STK4: variants seen among roughly 807,000 people sequenced by gnomAD.
The protein encoded by STK4 is serine/threonine kinase 4, also known as serine/threonine-protein kinase 4.
STK4 carries 30 observed loss-of-function variants against 64.9 expected under a neutral mutation model. The ratio of observed to expected loss-of-function variants is 0.46; its 90% CI spans 0.35 to 0.63. STK4 has a LOEUF of 0.63. STK4 is among the 20% of genes least tolerant of loss of function. The pLI, the probability that STK4 is intolerant of heterozygous loss-of-function variation, is 0.01. For missense variants in STK4, 466 were observed against 598.5 expected (o/e 0.78, Z 2.31); for synonymous variants, 177 against 199.0 (o/e 0.89, Z 0.93).
intron 9 of STK4, among the ~76,000 whole-genome samples, chr20:45,018,686 A>G (rs567828863): frequency 2.2e-4 from 33 of 151,932 alleles, no homozygotes; most frequent in African/African-American, 7.7e-4. Flanking sequence ...CATCACCACA[A>G]TCTAATTTTT....
chr20:45,004,532 T>G, intron 9 of STK4: 1 of 152,110 alleles, frequency 6.6e-6, no homozygotes, highest in South Asian at 2.1e-4. Context: ...GGTTTTTTTT[T>G]TCTTGTAAAT....
At chr20:45,001,137 G>A (rs370367210) in intron 8 of STK4, 30 bp from the exon 9 acceptor site, 11 of 1,584,530 alleles carry the variant, frequency 6.9e-6, no homozygotes, top group Non-Finnish European at 9.5e-6. Context: ...TGTCAAATTA[G>A]CCCCAATTTG....
intron 1 of STK4, among the ~76,000 whole-genome samples, chr20:44,967,935 A>G (rs915988402): frequency 6.6e-6 from 1 of 152,196 alleles, no homozygotes; most frequent in African/African-American, 2.4e-5. Flanking sequence ...GAAATTGCTG[A>G]TATTTGACCA....
At chr20:45,035,306 A>T (rs1038084395) in intron 10 of STK4, among the ~76,000 whole-genome samples, 13 of 152,174 alleles carry the variant, frequency 8.5e-5, no homozygotes, top group Non-Finnish European at 1.9e-4. Context: ...TGCTTAACTT[A>T]AAAGAAATAA....
chr20:45,055,533 T>G (rs538131069), intron 10 of STK4, among the ~76,000 whole-genome samples: 22 of 152,266 alleles, frequency 1.4e-4, no homozygotes, highest in African/African-American at 5.3e-4. Flanking sequence ...GTGTAATTTT[T>G]TTTTTAAGCC....
chr20:45,073,146 T>C (rs1258007934), intron 10 of STK4, among the ~76,000 whole-genome samples: 2 of 152,180 alleles, frequency 1.3e-5, no homozygotes, highest in African/African-American at 4.8e-5. Flanking sequence ...AATTCTCTCT[T>C]TGCAGAAGGA....
At chr20:45,025,281 T>A (rs2068324956) in intron 10 of STK4, 151 bp downstream of exon 10, 1 of 878,616 alleles carries the variant, frequency 1.1e-6, no homozygotes. Context: ...TTTTGACTGA[T>A]GTTTGGGCAG....
In STK4 at chr20:44,991,229, T is replaced by C. The variant is rs549003991; in HGVS notation, c.526-3861T>C. ...CATTGTATGGATATAGCATGATTTA[T>C]TTAACTCTTTCCCTACAGTTGGATG... is the stretch of plus-strand genomic sequence containing the variant. On this transcript the variant is annotated intron_variant, in intron 5 of 10. Coordinates refer to ENST00000372806, the MANE Select transcript of STK4 (RefSeq NM_006282.5). Among the ~76,000 whole-genome samples the C allele has an allele frequency of 7.9e-5, 12 of 152,024 alleles. No homozygotes were observed. The South Asian group carries it at 2.5e-3, about 32-fold the overall frequency.
At chr20:45,006,631 A>G (rs2145709965) in intron 9 of STK4, among the ~76,000 whole-genome samples, 1 of 152,236 alleles carries the variant, frequency 6.6e-6, no homozygotes, top group Non-Finnish European at 1.5e-5. Flanking sequence ...CTTGGGTTGT[A>G]CAGGCATCCC....
At chr20:44,991,845 G>C in intron 5 of STK4, among the ~76,000 whole-genome samples, 1 of 152,106 alleles carries the variant, frequency 6.6e-6, no homozygotes, top group African/African-American at 2.4e-5. Context: ...AGTAGTTTTT[G>C]TAGAGACATA....
chr20:44,971,865 G>A (rs937730448), intron 1 of STK4, among the ~76,000 whole-genome samples: 1 of 151,714 alleles, frequency 6.6e-6, no homozygotes, highest in Non-Finnish European at 1.5e-5. Flanking sequence ...TGGAGACGGG[G>A]TTTCACCATG....
chr20:44,990,175 A>C lies in STK4; in HGVS notation c.525+2879A>C, dbSNP rs571140069. On this transcript the variant is annotated intron_variant, in intron 5 of 10. Transcript: ENST00000372806. ...ATATTGTCTTCCGATCTATGAATAT[A>C]AGCTGTCTTTCCATTTATTTAGATT... is the stretch of plus-strand genomic sequence containing the variant. Among the ~76,000 whole-genome samples the C allele has an allele frequency of 1.8e-3, 275 of 152,342 alleles. 1 individual carries two copies. Among genetic ancestry groups the C allele is most frequent in the African/African-American group, 6.4e-3 (266 of 41,582 alleles).
chr20:45,059,840 G>A (rs1978840157), intron 10 of STK4, among the ~76,000 whole-genome samples: 1 of 151,826 alleles, frequency 6.6e-6, no homozygotes, highest in Admixed American at 6.6e-5. Flanking sequence ...TGCTTATTTT[G>A]ATTTTGGTAT....
Position 45,001,292 on chromosome 20 carries a change from A to G in STK4, c.1086A>G (p.Pro362=), listed in dbSNP as rs201046502. The G allele has an allele frequency of 1.7e-5, 27 of 1,614,106 alleles. No individual in the cohort carries two copies. The highest frequency in any genetic ancestry group is 1.7e-6 in the Non-Finnish European group (2 of 1,180,038). ...NTMIEHDDTL[P]SQLGTMVINA... ...TGATTGAGCACGATGACACGTTGCC[A>G]TCACAACTGGGCACCATGGTGATCA... Residue 362 remains proline, a synonymous_variant, in exon 9 of 11, where the codon CCA becomes CCG. Transcript: ENST00000372806.
intron 4 of STK4, among the ~76,000 whole-genome samples, chr20:44,986,583 G>T (rs2067533855): frequency 6.6e-6 from 1 of 152,234 alleles, no homozygotes; most frequent in African/African-American, 2.4e-5. Flanking sequence ...TATAGCTTCT[G>T]TGTGGAAAAT....
chr20:45,020,985 T>A lies in STK4; in HGVS notation c.1148-3988T>A, dbSNP rs189129784. Among the ~76,000 whole-genome samples the A allele has an allele frequency of 5.6e-3, 844 of 152,028 alleles. 3 individuals carry two copies. Among genetic ancestry groups the A allele is most frequent in the Non-Finnish European group, 7.5e-3 (513 of 67,972 alleles). The stretch of plus-strand genomic sequence containing the variant: ...TGCCACCACACCCAGCTAATTTTTT[T>A]AAAAAATTATTATTTGTAGAGACCA... On this transcript the variant is annotated intron_variant, in intron 9 of 10. Transcript: ENST00000372806.
chr20:44,976,891 A>G (rs10470046), intron 2 of STK4, among the ~76,000 whole-genome samples: 10,187 of 152,228 alleles, frequency 0.067, 1,113 homozygotes, highest in African/African-American at 0.23. Flanking sequence ...AACCAAAGAA[A>G]GAAGGGAAGT....
chr20:45,058,853 A>C (rs1479075071), intron 10 of STK4, among the ~76,000 whole-genome samples: 1 of 152,202 alleles, frequency 6.6e-6, no homozygotes, highest in East Asian at 1.9e-4. Context: ...AGTGCTTTCA[A>C]ACATCAAGAG....
intron 10 of STK4, among the ~76,000 whole-genome samples, chr20:45,047,267 G>A (rs73300588): frequency 3.1e-4 from 47 of 152,282 alleles, no homozygotes; most frequent in African/African-American, 1.0e-3. Context: ...AGGCTTTGAG[G>A]CGCTAGGTGA....
Sources: gnomAD v4.1 joint callset for allele counts (sites outside exome capture counted in the v4.1 genomes callset) on GRCh38, gnomAD v4.1.1 for gene constraint, MANE v1.5 for transcripts, NCBI Gene and HGNC (gene_info 2026-07-23, HGNC 2026-07-21) for gene names.